The following KIFAP3 variants were observed in gnomAD, a reference collection of about 807,000 sequenced individuals.
KIFAP3 encodes the protein kinesin-associated protein 3.
Under a neutral mutation model 106.5 loss-of-function variants are expected in KIFAP3, and 68 were observed. The observed-to-expected ratio is 0.64, with a 90% CI of 0.53 to 0.78. The LOEUF is 0.78. Among genes scored for constraint, KIFAP3 ranks in the 30% least tolerant of loss-of-function variants. The pLI is 0.00. For missense variants in KIFAP3, 780 were observed against 941.8 expected, an observed-to-expected ratio of 0.83 and a Z score of 2.25; for synonymous variants, 320 against 311.5, an observed-to-expected ratio of 1.03 and a Z score of -0.29.
At chr1:169,931,123 T>C (rs1351203284) in intron 19 of KIFAP3, among the ~76,000 whole-genome samples, 1 of 152,130 alleles carries the variant, frequency 6.6e-6, no homozygotes, top group African/African-American at 2.4e-5. Flanking sequence ...TTTTGCCACG[T>C]TGTCCAGGCT....
intron 18 of KIFAP3, chr1:169,957,904 A>C (rs984574921): frequency 1.3e-5 from 2 of 152,240 alleles, no homozygotes; most frequent in Non-Finnish European, 2.9e-5. Flanking sequence ...TGGGATTACA[A>C]GCATGAGCCA....
intron 19 of KIFAP3, among the ~76,000 whole-genome samples, chr1:169,937,988 TTAA>T (rs1324565065): frequency 1.3e-5 from 2 of 151,930 alleles, no homozygotes; most frequent in African/African-American, 4.8e-5. Context: ...ATTGCTATTA[TTAA>T]TGAGATATTG....
At position 169,970,532 on chromosome 1, in the gene KIFAP3, T is replaced by C. The variant is rs542974913; in HGVS notation, c.1983+1981A>G. Among the ~76,000 whole-genome samples, 3 of 152,200 alleles carry C rather than the reference T, an allele frequency of 2.0e-5. No individual in the cohort carries two copies. In the East Asian group the frequency reaches 5.8e-4, roughly 29 times the overall value. On this transcript the variant is annotated intron_variant, in intron 17 of 19. Coordinates refer to ENST00000361580, the MANE Select transcript of KIFAP3 (RefSeq NM_014970.4). The stretch of plus-strand genomic sequence containing the variant: ...ATTATTCTGCACTGTCTGTCTTCAG[T>C]GGAAGATAAGTTTGTTTTCTTACAG...
intron 10 of KIFAP3, among the ~76,000 whole-genome samples, chr1:170,005,697 G>T (rs1667916605): frequency 8.0e-6 from 1 of 124,846 alleles, no homozygotes; most frequent in African/African-American, 3.0e-5. Context: ...TCACACACCG[G>T]GAACTGTTGT....
intron 10 of KIFAP3, among the ~76,000 whole-genome samples, chr1:169,992,767 T>C (rs1041370238): frequency 2.0e-5 from 3 of 152,108 alleles, no homozygotes; most frequent in Non-Finnish European, 4.4e-5. Flanking sequence ...AGCCGAAATA[T>C]AGTATGAAGA....
At chr1:169,953,973 G>T in intron 19 of KIFAP3, 38 bp downstream of exon 19, 1 of 1,390,298 alleles carries the variant, frequency 7.2e-7, no homozygotes, top group African/African-American at 1.4e-5. Flanking sequence ...AAAAGCAACA[G>T]ATACTACACA....
rs1203897932 is a variant in KIFAP3 at position 170,035,359 on chromosome 1, CTG to C, written c.617+93_617+94del. On this transcript the variant is annotated intron_variant, in intron 6 of 19. Transcript: ENST00000361580. The stretch of plus-strand genomic sequence containing the variant: ...GAGCATAGGCAGACACACAGAAAAA[CTG>C]AGAGAACAAGTGATCTACAAATTGA... 2.1e-5 allele frequency: 14 copies of C among 677,158 alleles called. No individual in the cohort carries two copies. The East Asian group carries it at 3.7e-4, about 18-fold the overall frequency. 41.9% of individuals were successfully genotyped at this position (677,158 alleles called of 1,614,324 possible). A position where few individuals can be genotyped will look rare whatever the true frequency, so the allele number is the denominator to read the frequency against.
chr1:170,027,509 A>G (rs889378788), intron 8 of KIFAP3, among the ~76,000 whole-genome samples: 1 of 152,210 alleles, frequency 6.6e-6, no homozygotes, highest in African/African-American at 2.4e-5. Flanking sequence ...GGGAGATATA[A>G]TAAAAAATAT....
At chr1:169,932,304 A>G (rs1663537554) in intron 19 of KIFAP3, among the ~76,000 whole-genome samples, 1 of 152,174 alleles carries the variant, frequency 6.6e-6, no homozygotes, top group African/African-American at 2.4e-5. Flanking sequence ...AAATACTAAT[A>G]AGAAATGAAA....
At chr1:170,064,268 C>T (rs1161640525) in intron 1 of KIFAP3, among the ~76,000 whole-genome samples, 2 of 152,118 alleles carry the variant, frequency 1.3e-5, no homozygotes, top group African/African-American at 4.8e-5. Context: ...TTTAGGACTC[C>T]TGGTGAAATG....
Position 169,921,377 on chromosome 1 carries a change from C to T in KIFAP3, c.*299G>A. 5.0e-6 allele frequency: 1 copy of T among 200,184 alleles called. No individual in the cohort carries two copies. The highest frequency in any genetic ancestry group is 1.5e-4 in the South Asian group (1 of 6,676). 12.4% of individuals were successfully genotyped at this position (200,184 alleles called of 1,614,324 possible). On this transcript the variant is annotated 3_prime_UTR_variant, in exon 20 of 20. Transcript: ENST00000361580. ...AATTGAAATTAAATTAGTCACTTAA[C>T]ATACATAATGCAGTGTTTGTTTTCC...
intron 2 of KIFAP3, among the ~76,000 whole-genome samples, chr1:170,053,229 G>A (rs780418508): frequency 8.5e-5 from 13 of 152,062 alleles, no homozygotes; most frequent in Non-Finnish European, 1.9e-4. Context: ...AATCATGAGC[G>A]AACTTCCATT....
At chr1:169,982,220 T>C (rs934966706) in intron 14 of KIFAP3, 123 bp from the exon 15 acceptor site, 89 of 1,007,276 alleles carry the variant, frequency 8.8e-5, no homozygotes, top group South Asian at 7.8e-4. Flanking sequence ...ATATGAATCC[T>C]TGATATGCTA....
At chr1:169,972,467 C>A in intron 17 of KIFAP3, 46 bp downstream of exon 17, 2 of 927,096 alleles carry the variant, frequency 2.2e-6, no homozygotes, top group East Asian at 2.5e-5. Flanking sequence ...CTTTCTCCCC[C>A]AAGATGAAGT....
intron 3 of KIFAP3, 126 bp downstream of exon 3, chr1:170,046,586 T>C: frequency 3.0e-6 from 2 of 669,520 alleles, no homozygotes; most frequent in South Asian, 5.7e-5. Context: ...TTCATAACAC[T>C]GGTGAAAAAA....
chr1:170,069,880 T>G (rs1326284592), intron 1 of KIFAP3, among the ~76,000 whole-genome samples: 2 of 151,694 alleles, frequency 1.3e-5, no homozygotes, highest in Non-Finnish European at 2.9e-5. Context: ...AGAAGTAAAA[T>G]TATTTCTATC....
chr1:170,059,851 G>A (rs947848208), intron 1 of KIFAP3, among the ~76,000 whole-genome samples: 6 of 152,094 alleles, frequency 3.9e-5, no homozygotes, highest in Admixed American at 1.3e-4. Flanking sequence ...GGAATGCAAC[G>A]CTGGTTCAAT....
intron 15 of KIFAP3, 136 bp downstream of exon 15, chr1:169,981,836 T>G: frequency 4.5e-6 from 3 of 669,130 alleles, no homozygotes; most frequent in Non-Finnish European, 7.4e-6. Context: ...TAATTCATTT[T>G]TCTTGATTAT....
At chr1:170,037,725 C>T (rs1253440773) in intron 5 of KIFAP3, among the ~76,000 whole-genome samples, 2 of 152,038 alleles carry the variant, frequency 1.3e-5, no homozygotes, top group Admixed American at 6.6e-5. Context: ...GAGCGGAGAT[C>T]GCGCCACTGC....
Sources: allele counts gnomAD v4.1 joint callset (sites outside exome capture counted in the v4.1 genomes callset), GRCh38; gene constraint gnomAD v4.1.1; transcripts MANE v1.5; gene names NCBI Gene and HGNC (gene_info 2026-07-23, HGNC 2026-07-21).